The following METTL15 variants were observed in gnomAD, a reference collection of about 807,000 sequenced individuals.
METTL15 encodes the protein 12S rRNA N(4)-cytidine methyltransferase METTL15.
A neutral mutation model predicts 38.3 loss-of-function variants in METTL15; 34 were observed. The ratio of observed to expected loss-of-function variants is 0.89; its 90% confidence interval spans 0.68 to 1.18. The LOEUF (loss-of-function observed/expected upper bound fraction) is 1.18, where lower values mean the gene tolerates loss of function less well. METTL15 is among the 50% of genes most tolerant of loss of function. METTL15 has a pLI of 0.00. For missense variants in METTL15, 438 were observed against 498.4 expected (o/e 0.88, Z 1.15); for synonymous variants, 162 against 170.9 (o/e 0.95, Z 0.41).
intron 3 of METTL15, among the ~76,000 whole-genome samples, chr11:28,349,375 C>G (rs1590341379): frequency 6.6e-6 from 1 of 152,164 alleles, no homozygotes; most frequent in East Asian, 1.9e-4. Flanking sequence ...GGGCAGGCTA[C>G]CTTTTCCGGC....
intron 6 of METTL15, among the ~76,000 whole-genome samples, chr11:28,303,315 C>T (rs1161633731): frequency 6.6e-6 from 1 of 152,106 alleles, no homozygotes; most frequent in Non-Finnish European, 1.5e-5. Flanking sequence ...TGATAATAAT[C>T]ATTAATTTTC....
chr11:28,129,942 C>A (rs1266280089), intron 3 of METTL15, among the ~76,000 whole-genome samples: 2 of 151,890 alleles, frequency 1.3e-5, no homozygotes, highest in African/African-American at 4.8e-5. Flanking sequence ...AATTTGATCA[C>A]CTAAATCTAT....
chr11:28,398,227 TA>T (rs1315945336), intron 5 of METTL15, among the ~76,000 whole-genome samples: 2 of 151,894 alleles, frequency 1.3e-5, no homozygotes, highest in South Asian at 4.2e-4. Context: ...ATTAGAAAAA[TA>T]AAAAAATTCA....
At chr11:28,355,651 A>G (rs1274984123) in intron 4 of METTL15, among the ~76,000 whole-genome samples, 1 of 152,214 alleles carries the variant, frequency 6.6e-6, no homozygotes, top group African/African-American at 2.4e-5. Context: ...CATTATAAGT[A>G]ATCTAGAGAT....
At chr11:28,324,637 G>A (rs1849573379) in intron 6 of METTL15, among the ~76,000 whole-genome samples, 1 of 152,194 alleles carries the variant, frequency 6.6e-6, no homozygotes. Context: ...CCAAAAAGTA[G>A]CATAGAGGAC....
At chr11:28,353,910 C>T (rs1168768638) in intron 4 of METTL15, among the ~76,000 whole-genome samples, 1 of 129,682 alleles carries the variant, frequency 7.7e-6, no homozygotes, top group Non-Finnish European at 1.5e-5. Context: ...CCGGCCTGGG[C>T]GACAGAGCGA....
At chr11:28,139,590 A>G (rs1378748870) in intron 3 of METTL15, among the ~76,000 whole-genome samples, 1 of 152,066 alleles carries the variant, frequency 6.6e-6, no homozygotes, top group Non-Finnish European at 1.5e-5. Context: ...TGTCTGTGCC[A>G]TGGATGCTAG....
intron 3 of METTL15, among the ~76,000 whole-genome samples, chr11:28,178,575 A>G (rs1851163424): frequency 6.6e-6 from 1 of 151,832 alleles, no homozygotes; most frequent in Non-Finnish European, 1.5e-5. Context: ...AAGGCCAGAT[A>G]TTAATAGTCT....
intron 4 of METTL15, among the ~76,000 whole-genome samples, chr11:28,232,630 T>C (rs1853733462): frequency 6.6e-6 from 1 of 151,898 alleles, no homozygotes; most frequent in African/African-American, 2.4e-5. Flanking sequence ...TATCAGCAAG[T>C]ATATTAAAAG....
intron 6 of METTL15, among the ~76,000 whole-genome samples, chr11:28,323,961 G>T (rs1405028890): frequency 6.6e-6 from 1 of 152,204 alleles, no homozygotes; most frequent in Non-Finnish European, 1.5e-5. Context: ...AGAGAAGTAA[G>T]TGCCAAATAA....
intron 6 of METTL15, among the ~76,000 whole-genome samples, chr11:28,471,865 G>C (rs1590386150): frequency 6.6e-6 from 1 of 152,168 alleles, no homozygotes; most frequent in South Asian, 2.1e-4. Context: ...GCTAATCAGA[G>C]CAGACATCAT....
At chr11:28,171,935 G>T (rs901182132) in intron 3 of METTL15, among the ~76,000 whole-genome samples, 2 of 151,822 alleles carry the variant, frequency 1.3e-5, no homozygotes, top group African/African-American at 4.8e-5. Flanking sequence ...GGGACTACAG[G>T]CACATGCCAC....
chr11:28,390,322 G>C (rs1371683083), intron 5 of METTL15, among the ~76,000 whole-genome samples: 1 of 151,192 alleles, frequency 6.6e-6, no homozygotes, highest in Non-Finnish European at 1.5e-5. Flanking sequence ...GTCCTGAATG[G>C]TAATGCCTAG....
intron 6 of METTL15, among the ~76,000 whole-genome samples, chr11:28,310,951 TG>T (rs1281232480): frequency 2.2e-5 from 2 of 92,616 alleles, no homozygotes; most frequent in African/African-American, 8.7e-5. Context: ...GTGGTGGTGG[TG>T]GTGGTGGTGG....
intron 6 of METTL15, among the ~76,000 whole-genome samples, chr11:28,525,103 T>C (rs929888232): frequency 2.0e-5 from 3 of 152,102 alleles, no homozygotes; most frequent in Non-Finnish European, 2.9e-5. Flanking sequence ...AGACCTTCGC[T>C]GTGAGTGTTA....
chr11:28,309,428 A>T (rs1306733421), intron 6 of METTL15, among the ~76,000 whole-genome samples: 1 of 152,124 alleles, frequency 6.6e-6, no homozygotes, highest in Non-Finnish European at 1.5e-5. Context: ...ATCTCTTACT[A>T]TTTAGTGCCT....
rs1162936364 is a variant in METTL15, at chr11:28,332,884, G to A, written c.*2043G>A. On this transcript the variant is annotated 3_prime_UTR_variant, in exon 7 of 7. Coordinates refer to ENST00000407364, the MANE Select transcript of METTL15 (RefSeq NM_001113528.2). ...CACTCGAACCTGGGAGGTGGAGGTT[G>A]CGAGATCACACCACTGCACTCCAGT... 1.4e-5 allele frequency: 2 copies of A among 146,886 alleles called. No homozygotes were observed. The highest frequency in any genetic ancestry group is 3.0e-5 in the Non-Finnish European group (2 of 67,366). The allele number at this position is 146,886 out of a possible 1,614,324, so 9.1% of individuals were successfully genotyped here.
chr11:28,287,156 A>ATGTGTG (rs150235421), intron 4 of METTL15: 35,097 of 140,294 alleles, frequency 0.25, 4,704 homozygotes, highest in Admixed American at 0.3. Flanking sequence ...GAGAGAGACA[A>ATGTGTG]TGTGTGTGTG....
intron 6 of METTL15, among the ~76,000 whole-genome samples, chr11:28,426,411 A>C (rs994418172): frequency 3.9e-5 from 6 of 152,034 alleles, no homozygotes; most frequent in African/African-American, 1.4e-4. Context: ...TTATAATAGA[A>C]TGATTTATAT....
Sources: allele counts gnomAD v4.1 joint callset (sites outside exome capture counted in the v4.1 genomes callset), GRCh38; gene constraint gnomAD v4.1.1; transcripts MANE v1.5; gene names NCBI Gene and HGNC (gene_info 2026-07-23, HGNC 2026-07-21).